The following ZFTRAF1 variants were observed in gnomAD, a reference collection of about 807,000 sequenced individuals.
The protein encoded by ZFTRAF1 is zinc finger TRAF-type-containing protein 1.
the ZFTRAF1 span, among the ~76,000 whole-genome samples, chr8:144,460,157 G>C: frequency 1.3e-5 from 2 of 152,180 alleles, no homozygotes; most frequent in African/African-American, 4.8e-5. Context: ...AGCATTCAGG[G>C]AGGCCTGTGC....
chr8:144,451,210 C>G, the ZFTRAF1 span: 1 of 169,312 alleles, frequency 5.9e-6, no homozygotes, highest in African/African-American at 2.4e-5. Flanking sequence ...CAGCCCTGCC[C>G]GAGGGGAGCA....
the ZFTRAF1 span, among the ~76,000 whole-genome samples, chr8:144,462,116 C>T: frequency 6.6e-6 from 1 of 152,182 alleles, no homozygotes; most frequent in East Asian, 1.9e-4. Flanking sequence ...AGCTTCGGAG[C>T]AGCCGCTGGA....
the ZFTRAF1 span, among the ~76,000 whole-genome samples, chr8:144,460,400 C>A: frequency 2.0e-5 from 3 of 152,236 alleles, no homozygotes; most frequent in African/African-American, 4.8e-5. Context: ...AGAAGCAGAG[C>A]CATCACTCTG....
At chr8:144,462,329 A>G in the ZFTRAF1 span, 1 of 544,130 alleles carries the variant, frequency 1.8e-6, no homozygotes, top group Non-Finnish European at 3.3e-6. Flanking sequence ...GGTGCAGCAC[A>G]GCACCGAGTA....
At chr8:144,462,296 G>A in the ZFTRAF1 span, 4 of 597,720 alleles carry the variant, frequency 6.7e-6, no homozygotes, top group South Asian at 1.8e-5. Flanking sequence ...GTACACGGAG[G>A]CCTTGGGCAG....
At chr8:144,452,297 C>T in the ZFTRAF1 span, 37 of 1,523,938 alleles carry the variant, frequency 2.4e-5, no homozygotes, top group African/African-American at 4.1e-5. Context: ...CCCCCAGACT[C>T]CTGGCTGCCA....
the ZFTRAF1 span, chr8:144,451,916 G>A: frequency 3.8e-6 from 1 of 264,260 alleles, no homozygotes; most frequent in Non-Finnish European, 7.6e-6. Context: ...CCATGGCCGG[G>A]GCAGTGACTG....
chr8:144,455,460 G>A, the ZFTRAF1 span: 1 of 152,280 alleles, frequency 6.6e-6, no homozygotes, highest in Non-Finnish European at 1.5e-5. Flanking sequence ...GGGGTCAGTG[G>A]TGGGTGGACT....
the ZFTRAF1 span, chr8:144,452,347 G>A: frequency 1.8e-5 from 28 of 1,547,346 alleles, no homozygotes; most frequent in Admixed American, 2.4e-4. Context: ...AGCAGGCGGC[G>A]GGGCGCCTCA....
chr8:144,450,819 G>A, the ZFTRAF1 span: 5 of 651,632 alleles, frequency 7.7e-6, no homozygotes, highest in African/African-American at 1.8e-5. Context: ...GTGTGGGCAG[G>A]GCTGGGCAGC....
At chr8:144,455,951 C>T in the ZFTRAF1 span, 1 of 152,472 alleles carries the variant, frequency 6.6e-6, no homozygotes, top group South Asian at 2.1e-4. Context: ...TCCTTTGGGG[C>T]CTCCAGATCC....
the ZFTRAF1 span, among the ~76,000 whole-genome samples, chr8:144,459,739 A>G: frequency 6.6e-6 from 1 of 152,150 alleles, no homozygotes; most frequent in African/African-American, 2.4e-5. Context: ...CACAAAGCTC[A>G]GCATGGCCAC....
At chr8:144,461,225 G>C in the ZFTRAF1 span, among the ~76,000 whole-genome samples, 4 of 152,200 alleles carry the variant, frequency 2.6e-5, no homozygotes, top group Admixed American at 1.3e-4. Context: ...TCCTCATCCA[G>C]GCCCCCAATT....
At chr8:144,450,622 C>G in the ZFTRAF1 span, 1 of 718,014 alleles carries the variant, frequency 1.4e-6, no homozygotes. Flanking sequence ...GGAAGGAGAG[C>G]GTACGCTTGC....
chr8:144,450,163 G>A, the ZFTRAF1 span: 11 of 545,618 alleles, frequency 2.0e-5, no homozygotes, highest in South Asian at 4.2e-5. Flanking sequence ...AGCCTCTGGC[G>A]GCCCTCGGAA....
At chr8:144,450,833 G>A in the ZFTRAF1 span, 4 of 637,552 alleles carry the variant, frequency 6.3e-6, no homozygotes, top group African/African-American at 5.4e-5. Flanking sequence ...GGGCAGCAAC[G>A]CCTTCCCTGA....
chr8:144,459,647 C>T, the ZFTRAF1 span, among the ~76,000 whole-genome samples: 1 of 152,226 alleles, frequency 6.6e-6, no homozygotes, highest in East Asian at 1.9e-4. Flanking sequence ...ATCTGGATGA[C>T]AAGCTCTCGA....
chr8:144,460,951 G>A, the ZFTRAF1 span, among the ~76,000 whole-genome samples: 1 of 152,238 alleles, frequency 6.6e-6, no homozygotes, highest in Non-Finnish European at 1.5e-5. Context: ...GAGCTGGAGA[G>A]TGGGCACATC....
the ZFTRAF1 span, chr8:144,453,797 C>A: frequency 7.3e-6 from 2 of 272,706 alleles, no homozygotes; most frequent in Middle Eastern, 1.3e-3. Context: ...ACTGCCCTGA[C>A]CCCCCTACAG....
Sources: gnomAD v4.1 joint callset for allele counts (sites outside exome capture counted in the v4.1 genomes callset) on GRCh38, gnomAD v4.1.1 for gene constraint, MANE v1.5 for transcripts, NCBI Gene and HGNC (gene_info 2026-07-23, HGNC 2026-07-21) for gene names.